RYR3: variants seen among roughly 807,000 people sequenced by gnomAD.
RYR3 encodes the protein ryanodine receptor 3, also known as brain ryanodine receptor-calcium release channel.
In RYR3, 207 loss-of-function variants were observed where a neutral mutation model predicts 584.3. The observed-to-expected ratio is 0.35, with a 90% CI of 0.32 to 0.40. The LOEUF is 0.40. Among genes scored for constraint, RYR3 ranks in the 10% least tolerant of loss-of-function variants. The probability of loss-of-function intolerance (pLI) is 1.00; values close to 1 mark genes in which losing one functional copy is unlikely to be tolerated. For synonymous variants in RYR3, 2,416 were observed against 2,248.5 expected (o/e 1.07, Z -2.11); for missense variants, 5,616 against 6,089.2 (o/e 0.92, Z 2.59).
intron 12 of RYR3, among the ~76,000 whole-genome samples, chr15:33,571,313 A>G (rs1439653966): frequency 6.6e-6 from 1 of 152,128 alleles, no homozygotes. Flanking sequence ...GATTTTTTCA[A>G]ATGCTTTTTC....
chr15:33,506,878 AAG>A (rs1459927187), intron 3 of RYR3, among the ~76,000 whole-genome samples: 2 of 152,192 alleles, frequency 1.3e-5, no homozygotes, highest in Non-Finnish European at 2.9e-5. Context: ...AGGGAAGAAA[AAG>A]AGGAAAAATA....
intron 3 of RYR3, among the ~76,000 whole-genome samples, chr15:33,517,713 CT>C (rs1372228123): frequency 6.6e-6 from 1 of 152,152 alleles, no homozygotes; most frequent in African/African-American, 2.4e-5. Context: ...TTGTATAACT[CT>C]TTAATATCTC....
intron 16 of RYR3, 144 bp downstream of exon 16, chr15:33,586,260 C>A: frequency 1.6e-6 from 1 of 640,562 alleles, no homozygotes. Context: ...AGACTTTCCC[C>A]GCATACAAGC....
intron 38 of RYR3, among the ~76,000 whole-genome samples, chr15:33,673,309 A>G (rs774126185): frequency 6.6e-6 from 1 of 152,228 alleles, no homozygotes; most frequent in African/African-American, 2.4e-5. Context: ...ATGTTGGCCA[A>G]TGACCTGCAG....
intron 23 of RYR3, among the ~76,000 whole-genome samples, chr15:33,632,172 G>A (rs2061300521): frequency 6.6e-6 from 1 of 152,228 alleles, no homozygotes; most frequent in Non-Finnish European, 1.5e-5. Flanking sequence ...GTCCTGGATG[G>A]ATTGAGCCCT....
chr15:33,804,777 T>C (rs1158725078), intron 69 of RYR3, among the ~76,000 whole-genome samples: 1 of 152,232 alleles, frequency 6.6e-6, no homozygotes, highest in Non-Finnish European at 1.5e-5. Flanking sequence ...CTCTACTACC[T>C]GATCTGAACA....
chr15:33,534,622 C>T (rs1226461656), intron 5 of RYR3, among the ~76,000 whole-genome samples: 3 of 151,962 alleles, frequency 2.0e-5, no homozygotes, highest in Non-Finnish European at 4.4e-5. Context: ...AATAAAGAAC[C>T]GAGGACTAAG....
chr15:33,785,690 C>T lies in RYR3; in HGVS notation c.9297C>T (p.Asp3099=), dbSNP rs190650629. 143 of 1,608,488 alleles carry T rather than the reference C, an allele frequency of 8.9e-5. No homozygotes were observed. The Middle Eastern group carries it at 3.5e-3, about 39-fold the overall frequency. The change falls in exon 66 of 104, where the codon GAC becomes GAT. Residue 3099 remains aspartate (D), a synonymous_variant. Coordinates refer to ENST00000634891, the MANE Select transcript of RYR3 (RefSeq NM_001036.6). ...TGGGGATGCCAGACACGGTAGAAGA[C>T]ATGTGTCCTGACATCCCCCAGCTGG... is the stretch of plus-strand genomic sequence containing the variant. The part of the protein sequence containing the change: ...SILGMPDTVE[D]MCPDIPQLEG...
At chr15:33,422,859 C>A (rs1454788353) in intron 1 of RYR3, among the ~76,000 whole-genome samples, 3 of 152,146 alleles carry the variant, frequency 2.0e-5, no homozygotes, top group Non-Finnish European at 4.4e-5. Flanking sequence ...ATTTTAAAGG[C>A]ATCTAGTTCT....
intron 67 of RYR3, among the ~76,000 whole-genome samples, chr15:33,793,924 C>CTA (rs1555459928): frequency 9.2e-5 from 13 of 141,770 alleles, no homozygotes; most frequent in East Asian, 4.0e-4. Context: ...CACACACACT[C>CTA]TATATATATA....
intron 43 of RYR3, among the ~76,000 whole-genome samples, chr15:33,713,558 C>A (rs1317881870): frequency 1.3e-5 from 2 of 152,008 alleles, no homozygotes; most frequent in African/African-American, 4.8e-5. Flanking sequence ...ACTTATTGAG[C>A]ATTTACCATG....
intron 89 of RYR3, 51 bp downstream of exon 89, chr15:33,839,009 G>A (rs763351781): frequency 7.6e-5 from 119 of 1,559,600 alleles, no homozygotes; most frequent in Non-Finnish European, 1.0e-4. Context: ...AATAAGACTT[G>A]CCACCATATC....
Position 33,473,463 on chromosome 15 carries a change from G to A in RYR3, c.96G>A (p.Glu32=). The change falls in exon 2 of 104, where the codon GAG becomes GAA. Residue 32 remains glutamate, a synonymous_variant. Transcript: ENST00000634891. Reference sequence around the variant, plus strand: ...AGTGCATCGCCACCATTCATAAGGAGCAGAGGAAGTTCTGCCTGGCAGCCG... The same window carrying A: ...AGTGCATCGCCACCATTCATAAGGAACAGAGGAAGTTCTGCCTGGCAGCCG... ...VLQCIATIHK[E]QRKFCLAAEG... is the part of the protein sequence containing the mutation. The A allele has an allele frequency of 3.1e-6, 5 of 1,613,930 alleles. No homozygotes were observed. Among genetic ancestry groups the A allele is most frequent in the Non-Finnish European group, 4.2e-6 (5 of 1,179,854 alleles).
intron 93 of RYR3, chr15:33,847,509 G>A (rs1357735256): frequency 6.6e-6 from 1 of 152,110 alleles, no homozygotes; most frequent in Non-Finnish European, 1.5e-5. Context: ...TCATTTCCTG[G>A]GATTTCAGCA....
At chr15:33,863,581 G>C (rs899348614) in intron 102 of RYR3, among the ~76,000 whole-genome samples, 3 of 152,116 alleles carry the variant, frequency 2.0e-5, no homozygotes, top group Non-Finnish European at 2.9e-5. Context: ...ATGTGTCACA[G>C]ACAAACTCAA....
At chr15:33,612,251 TGAA>T (rs2060231763) in intron 18 of RYR3, among the ~76,000 whole-genome samples, 1 of 152,248 alleles carries the variant, frequency 6.6e-6, no homozygotes, top group South Asian at 2.1e-4. Flanking sequence ...GAAAGAGATG[TGAA>T]GAAGTTTTTT....
chr15:33,443,982 A>G (rs544644455), intron 1 of RYR3, among the ~76,000 whole-genome samples: 1 of 152,280 alleles, frequency 6.6e-6, no homozygotes, highest in East Asian at 1.9e-4. Context: ...CTACTTACTC[A>G]CACCCTGTAG....
At position 33,663,659 on chromosome 15, in the gene RYR3, G is replaced by A. The variant is rs1224401849; in HGVS notation, c.5541G>A (p.Glu1847=). 3 of 1,613,006 alleles carry A rather than the reference G, an allele frequency of 1.9e-6. No individual in the cohort carries two copies. The highest frequency in any genetic ancestry group is 1.1e-5 in the South Asian group (1 of 90,734). Reference sequence around the variant, plus strand: ...CAAATCAGAAGTTCCGCTACAATGAGCTCATGCAGGCCCTGAACATGTCTG... The same window carrying A: ...CAAATCAGAAGTTCCGCTACAATGAACTCATGCAGGCCCTGAACATGTCTG... ...LQANQKFRYN[E]LMQALNMSAA... The change falls in exon 36 of 104, where the codon GAG becomes GAA. Residue 1847 remains glutamate, a synonymous_variant. Coordinates refer to ENST00000634891, the MANE Select transcript of RYR3 (RefSeq NM_001036.6).
At chr15:33,671,339 A>T (rs1308841270) in intron 38 of RYR3, among the ~76,000 whole-genome samples, 1 of 152,184 alleles carries the variant, frequency 6.6e-6, no homozygotes, top group East Asian at 1.9e-4. Flanking sequence ...GTTGCTTTTT[A>T]TCTTGTTACC....
Sources: gnomAD v4.1 joint callset for allele counts (sites outside exome capture counted in the v4.1 genomes callset) on GRCh38, gnomAD v4.1.1 for gene constraint, MANE v1.5 for transcripts, NCBI Gene and HGNC (gene_info 2026-07-23, HGNC 2026-07-21) for gene names.